The following MARS1 variants were observed in gnomAD, a reference collection of about 807,000 sequenced individuals.
The protein encoded by MARS1 is methionine--tRNA ligase, cytoplasmic.
Under a neutral mutation model 119.5 loss-of-function variants are expected in MARS1, and 80 were observed. That is an observed-to-expected ratio of 0.67 (90% CI 0.56 to 0.81). The LOEUF (loss-of-function observed/expected upper bound fraction) is 0.81. Ranked by LOEUF, MARS1 falls within the 30% of genes least tolerant of loss-of-function variation. The pLI is 0.00. For missense variants in MARS1, 945 were observed against 1,116.5 expected (o/e 0.85, Z 2.19); for synonymous variants, 418 against 433.4 (o/e 0.96, Z 0.44).
chr12:57,490,388 T>C lies in MARS1; in HGVS notation c.663+9T>C, dbSNP rs74974479. On this transcript the variant is annotated intron_variant, in intron 6 of 20. Coordinates refer to ENST00000262027, the MANE Select transcript of MARS1 (RefSeq NM_004990.4). ...TCACCAATGAGCCTGAGGTTTGGAA[T>C]AGGGCAGAGCCTTGGGGCCTGAGGT... is the stretch of plus-strand genomic sequence containing the variant. The C allele has an allele frequency of 1.2e-6, 2 of 1,612,546 alleles. No individual in the cohort carries two copies. Among genetic ancestry groups the C allele is most frequent in the Non-Finnish European group, 1.7e-6 (2 of 1,179,898 alleles).
At chr12:57,488,265 C>A (rs1302167413) in intron 1 of MARS1, 66 bp downstream of exon 1, 2 of 1,481,680 alleles carry the variant, frequency 1.3e-6, no homozygotes, top group Non-Finnish European at 1.9e-6. Context: ...AGATTCTCTG[C>A]AGCTGTCTTT....
chr12:57,509,656 T>C (rs953772219), intron 11 of MARS1, among the ~76,000 whole-genome samples: 1 of 151,874 alleles, frequency 6.6e-6, no homozygotes, highest in South Asian at 2.1e-4. Context: ...GTGATCTGCC[T>C]GCCTTGGCCT....
At chr12:57,508,706 G>GGTAGA (rs766560858) in intron 11 of MARS1, among the ~76,000 whole-genome samples, 1 of 16,022 alleles carries the variant, frequency 6.2e-5, no homozygotes, top group Non-Finnish European at 2.2e-4. Context: ...TAGAGGTAGA[G>GGTAGA]GGTAGAGGGT....
At chr12:57,508,030 G>A (rs1172218713) in intron 11 of MARS1, among the ~76,000 whole-genome samples, 2 of 151,912 alleles carry the variant, frequency 1.3e-5, no homozygotes, top group East Asian at 1.9e-4. Context: ...AAAGGGCGGC[G>A]GGGCAGAGGC....
At chr12:57,516,150 G>A (rs757029120) in intron 19 of MARS1, 95 bp from the exon 20 acceptor site, 231 of 1,376,812 alleles carry the variant, frequency 1.7e-4, no homozygotes, top group Non-Finnish European at 2.3e-4. Context: ...AGAGACCTTC[G>A]ACTTAAAGGT....
intron 1 of MARS1, chr12:57,488,604 C>T (rs1565636096): frequency 1.3e-6 from 2 of 1,551,084 alleles, no homozygotes; most frequent in Admixed American, 2.0e-5. Flanking sequence ...ACGTTCCTTT[C>T]TGTTTACCTC....
intron 1 of MARS1, chr12:57,488,671 C>G: frequency 6.5e-7 from 1 of 1,547,934 alleles, no homozygotes; most frequent in Non-Finnish European, 8.7e-7. Flanking sequence ...TGTAAGTCTT[C>G]TCAGTTCTTT....
At position 57,498,437 on chromosome 12, in the gene MARS1, A is replaced by C. The variant is rs1876749646; in HGVS notation, c.905A>C (p.Gln302Pro). Residue 302 changes from glutamine to proline, a missense_variant, in exon 9 of 21, where the codon CAG becomes CCG. Gln to Pro is a moderately conservative substitution (Grantham distance 76). Transcript: ENST00000262027. ...DVFARYSRLRQWNTLYLCGTD... is the reference protein window; with the variant it reads ...DVFARYSRLRPWNTLYLCGTD... Reference sequence around the variant, plus strand: ...CCTTGCAGGTACTCTCGCCTCCGCCAGTGGAACACCCTCTATCTGTGTGGG... The same window carrying C: ...CCTTGCAGGTACTCTCGCCTCCGCCCGTGGAACACCCTCTATCTGTGTGGG... 6.2e-7 allele frequency: 1 copy of C among 1,614,026 alleles called. No individual in the cohort carries two copies.
Position 57,490,554 on chromosome 12 carries a change from C to T in MARS1, c.680C>T (p.Thr227Ile), listed in dbSNP as rs73344082. The change falls in exon 7 of 21, where the codon ACC (threonine) becomes ATC (isoleucine). Residue 227 changes from threonine to isoleucine, a missense_variant. Coordinates refer to ENST00000262027, the MANE Select transcript of MARS1 (RefSeq NM_004990.4). ...TCTTTATAGGAGGAGGAGCTGGCTACCCTATCTGAGGAGGAGATTGCTATG... is the reference window on the plus strand; with the variant it reads ...TCTTTATAGGAGGAGGAGCTGGCTATCCTATCTGAGGAGGAGATTGCTATG... ...TNEPEEEELA[T>I]LSEEEIAMAV... is the part of the protein sequence containing the mutation. The T allele has an allele frequency of 3.6e-4, 586 of 1,614,122 alleles. 5 individuals are homozygous for T. The African/African-American group carries it at 6.8e-3, about 19-fold the overall frequency.
intron 7 of MARS1, among the ~76,000 whole-genome samples, chr12:57,492,540 T>C (rs918060020): frequency 1.3e-5 from 2 of 150,544 alleles, no homozygotes; most frequent in African/African-American, 4.9e-5. Flanking sequence ...GCACGGTGGC[T>C]CGTGCCTGTA....
chr12:57,498,756 G>A, intron 9 of MARS1, 133 bp downstream of exon 9: 1 of 797,280 alleles, frequency 1.3e-6, no homozygotes, highest in Non-Finnish European at 2.1e-6. Context: ...TATCACCCTG[G>A]GCAGTTATCC....
rs756261852 is a variant in MARS1 at position 57,514,960 on chromosome 12, G to T, written c.2106G>T (p.Arg702=). 1 of 1,614,052 alleles carries T rather than the reference G, an allele frequency of 6.2e-7. No individual in the cohort carries two copies. The highest frequency in any genetic ancestry group is 1.3e-5 in the African/African-American group (1 of 74,896). ...YHQLLEKVRI[R]DALRSILTIS... ...CTGCTTCCTCCCTTCCCAGGATCCG[G>T]GATGCCTTGCGCAGTATCCTCACCA... is the stretch of plus-strand genomic sequence containing the variant. The change falls in exon 17 of 21, where the codon CGG becomes CGT. Residue 702 remains arginine (R), a synonymous_variant. Transcript: ENST00000262027.
Position 57,500,344 on chromosome 12 carries a change from A to C in MARS1, c.1115A>C (p.Gln372Pro). 1 of 1,614,206 alleles carries C rather than the reference A, an allele frequency of 6.2e-7. No individual in the cohort carries two copies. Among genetic ancestry groups the C allele is most frequent in the South Asian group, 1.1e-5 (1 of 91,074 alleles). The change falls in exon 10 of 21, where the codon CAG (glutamine) becomes CCG (proline). Residue 372 changes from glutamine (Q) to proline (P), a missense_variant. By Grantham distance (76) the Gln-to-Pro change is moderately conservative. Coordinates refer to ENST00000262027, the MANE Select transcript of MARS1 (RefSeq NM_004990.4). ...QTKITQDIFQ[Q>P]LLKRGFVLQD... ...AGAATCACCCAGGACATTTTCCAGC[A>C]GTTGCTGAAACGAGGTTTTGTGCTG...
At chr12:57,514,690 TC>T in intron 15 of MARS1, 29 bp from the exon 16 acceptor site, 1 of 1,613,666 alleles carries the variant, frequency 6.2e-7, no homozygotes. Context: ...CCCTCTTTTT[TC>T]CACTTCTGCT....
At chr12:57,498,716 G>C (rs1229080043) in intron 9 of MARS1, 93 bp downstream of exon 9, 3 of 1,170,200 alleles carry the variant, frequency 2.6e-6, no homozygotes, top group East Asian at 2.3e-5. Flanking sequence ...CCGGGTGGCT[G>C]TCTGGGCACT....
intron 15 of MARS1, among the ~76,000 whole-genome samples, chr12:57,513,722 C>G (rs2140035862): frequency 6.6e-6 from 1 of 151,780 alleles, no homozygotes; most frequent in East Asian, 1.9e-4. Flanking sequence ...CTTCTGCAAT[C>G]TAAAGCAGTA....
rs754849328 is a variant in MARS1, at chr12:57,511,737, C to T, written c.1408C>T (p.Pro470Ser). 2 of 1,614,176 alleles carry T rather than the reference C, an allele frequency of 1.2e-6. No individual in the cohort carries two copies. The highest frequency in any genetic ancestry group is 1.1e-5 in the South Asian group (1 of 91,076). The part of the protein sequence containing the change: ...RLEEWLGRTL[P>S]GSDWTPNAQF... ...GGAGGAGTGGTTGGGGAGGACATTG[C>T]CTGGCAGTGACTGGACACCCAATGC... The change falls in exon 12 of 21, where the codon CCT becomes TCT. Residue 470 changes from proline to serine, a missense_variant. Coordinates refer to ENST00000262027, the MANE Select transcript of MARS1 (RefSeq NM_004990.4).
At chr12:57,503,638 A>C (rs1248694562) in intron 10 of MARS1, among the ~76,000 whole-genome samples, 1 of 150,898 alleles carries the variant, frequency 6.6e-6, no homozygotes, top group Non-Finnish European at 1.5e-5. Context: ...TCTGCCTCTC[A>C]GGTTCAAGCA....
chr12:57,512,880 G>A lies in MARS1; in HGVS notation c.1883G>A (p.Gly628Asp). 6.2e-7 allele frequency: 1 copy of A among 1,614,222 alleles called. No individual in the cohort carries two copies. The highest frequency in any genetic ancestry group is 1.1e-5 in the South Asian group (1 of 91,088). ...RFYLLYIRPE[G>D]QDSAFSWTDL... ...TATCTGCTGTACATTCGGCCTGAGG[G>A]CCAGGACAGTGCTTTCTCCTGGACG... The change falls in exon 15 of 21, where the codon GGC becomes GAC. Residue 628 changes from glycine to aspartate, a missense_variant. Gly to Asp is a moderately conservative substitution (Grantham distance 94). Coordinates refer to ENST00000262027, the MANE Select transcript of MARS1 (RefSeq NM_004990.4).
Sources: allele counts gnomAD v4.1 joint callset (sites outside exome capture counted in the v4.1 genomes callset), GRCh38; gene constraint gnomAD v4.1.1; transcripts MANE v1.5; gene names NCBI Gene and HGNC (gene_info 2026-07-23, HGNC 2026-07-21).